Variants in SENP1 observed in about 807,000 individuals in gnomAD.
The protein encoded by SENP1 is SUMO specific peptidase 1.
In SENP1, 21 loss-of-function variants were observed where a neutral mutation model predicts 93.0. The observed-to-expected ratio is 0.23, with a 90% CI of 0.16 to 0.33. The LOEUF is 0.33. SENP1 is among the 10% of genes least tolerant of loss of function. The pLI is 1.00. For synonymous variants in SENP1, 256 were observed against 259.6 expected, an observed-to-expected ratio of 0.99 and a Z score of 0.13; for missense variants, 591 against 758.7, an observed-to-expected ratio of 0.78 and a Z score of 2.60.
chr12:48,047,861 G>C, intron 15 of SENP1, 140 bp downstream of exon 15: 3 of 610,822 alleles, frequency 4.9e-6, no homozygotes, highest in Non-Finnish European at 8.7e-6. Context: ...AACTTACTTA[G>C]ATACAAAATA....
At chr12:48,050,557 AGTGT>A (rs1941720677) in intron 13 of SENP1, among the ~76,000 whole-genome samples, 1 of 152,238 alleles carries the variant, frequency 6.6e-6, no homozygotes, top group Non-Finnish European at 1.5e-5. Context: ...TTCTCTGCCT[AGTGT>A]GATGCCCAAT....
At chr12:48,091,941 A>G (rs558441462) in intron 4 of SENP1, among the ~76,000 whole-genome samples, 57 of 152,332 alleles carry the variant, frequency 3.7e-4, no homozygotes, top group African/African-American at 1.3e-3. Context: ...TTGGCCTCCC[A>G]AAGTGCTAGG....
intron 3 of SENP1, 56 bp from the exon 4 acceptor site, chr12:48,096,483 C>T: frequency 9.1e-7 from 1 of 1,097,850 alleles, no homozygotes; most frequent in Non-Finnish European, 1.4e-6. Context: ...TTGAGACAGT[C>T]TCACTCTTGT....
intron 13 of SENP1, among the ~76,000 whole-genome samples, chr12:48,051,127 T>C (rs1180202494): frequency 1.3e-5 from 2 of 150,776 alleles, no homozygotes; most frequent in South Asian, 2.1e-4. Flanking sequence ...ATGCTATACA[T>C]CACTATTCTA....
intron 4 of SENP1, among the ~76,000 whole-genome samples, chr12:48,094,270 C>T (rs964409558): frequency 6.6e-6 from 1 of 152,106 alleles, no homozygotes; most frequent in African/African-American, 2.4e-5. Flanking sequence ...GTCCCAACTA[C>T]TCGGGAGACT....
intron 13 of SENP1, chr12:48,055,366 G>A (rs1592301824): frequency 6.5e-6 from 1 of 154,676 alleles, no homozygotes; most frequent in African/African-American, 2.4e-5. Flanking sequence ...ACTGAGGTCA[G>A]AACTGTGCAG....
intron 1 of SENP1, among the ~76,000 whole-genome samples, chr12:48,104,588 G>T (rs899187712): frequency 2.0e-5 from 3 of 152,190 alleles, no homozygotes; most frequent in African/African-American, 7.2e-5. Flanking sequence ...CACCGACTAC[G>T]TGCATTAAGA....
chr12:48,093,825 G>A (rs997464085), intron 4 of SENP1, among the ~76,000 whole-genome samples: 1 of 152,046 alleles, frequency 6.6e-6, no homozygotes, highest in South Asian at 2.1e-4. Context: ...AATTAGCTAG[G>A]CATGCTGGCA....
intron 5 of SENP1, chr12:48,088,485 T>G: frequency 3.2e-6 from 1 of 314,276 alleles, no homozygotes; most frequent in Admixed American, 4.9e-5. Context: ...TCTTTCCTGC[T>G]CAAATTGTGG....
rs1468655898 is a variant in SENP1 at position 48,088,875 on chromosome 12, G to A, written c.306C>T (p.Thr102=). Residue 102 remains threonine, a synonymous_variant, in exon 5 of 18, where the codon ACC becomes ACT. Transcript: ENST00000549518. ...QSANGQWRNS[T]PSSSSSLQKS... ...TTTGTAAAGATGAGCTTGACGATGGGGTAGAATTTCTCCATTGGCCATTTG... is the reference window on the plus strand; with the variant it reads ...TTTGTAAAGATGAGCTTGACGATGGAGTAGAATTTCTCCATTGGCCATTTG... 1 of 1,604,252 alleles carries A rather than the reference G, an allele frequency of 6.2e-7. No individual in the cohort carries two copies.
chr12:48,053,162 A>G (rs1278195404), intron 13 of SENP1, among the ~76,000 whole-genome samples: 1 of 152,132 alleles, frequency 6.6e-6, no homozygotes, highest in Non-Finnish European at 1.5e-5. Flanking sequence ...CCCATCAAAA[A>G]TATATATTCT....
intron 6 of SENP1, among the ~76,000 whole-genome samples, chr12:48,078,334 TACACAC>T (rs1555182749): frequency 5.9e-5 from 4 of 67,876 alleles, no homozygotes; most frequent in African/African-American, 9.7e-5. Flanking sequence ...TATATATATA[TACACAC>T]ACATATATAT....
chr12:48,104,137 G>A (rs573503804), intron 1 of SENP1, among the ~76,000 whole-genome samples: 88 of 151,768 alleles, frequency 5.8e-4, no homozygotes, highest in Non-Finnish European at 1.1e-3. Context: ...CTTGAACCCG[G>A]GAGGCGGAGG....
intron 8 of SENP1, among the ~76,000 whole-genome samples, chr12:48,072,291 A>T (rs1463990938): frequency 6.6e-6 from 1 of 152,186 alleles, no homozygotes; most frequent in East Asian, 1.9e-4. Context: ...CACCTCAGTC[A>T]TCCAATTGAC....
chr12:48,045,897 G>C (rs769234485), intron 17 of SENP1, among the ~76,000 whole-genome samples: 4 of 152,158 alleles, frequency 2.6e-5, no homozygotes, highest in Non-Finnish European at 5.9e-5. Context: ...AGACCACATG[G>C]ACAGAAATGA....
chr12:48,104,126 G>A (rs1258394574), intron 1 of SENP1, among the ~76,000 whole-genome samples: 3 of 151,878 alleles, frequency 2.0e-5, no homozygotes, highest in Admixed American at 6.6e-5. Flanking sequence ...CAGGAGAATC[G>A]CTTGAACCCG....
chr12:48,075,278 G>C (rs952494796), intron 6 of SENP1, among the ~76,000 whole-genome samples: 1 of 151,972 alleles, frequency 6.6e-6, no homozygotes, highest in Non-Finnish European at 1.5e-5. Flanking sequence ...GTAAAAGACA[G>C]GTTGAGTAAA....
chr12:48,096,213 T>C, intron 4 of SENP1, 130 bp downstream of exon 4: 1 of 566,614 alleles, frequency 1.8e-6, no homozygotes, highest in Non-Finnish European at 3.1e-6. Context: ...ATTCAAATGA[T>C]GTTTTAGTGA....
intron 6 of SENP1, among the ~76,000 whole-genome samples, chr12:48,082,274 C>T (rs1944544195): frequency 6.6e-6 from 1 of 152,194 alleles, no homozygotes; most frequent in Non-Finnish European, 1.5e-5. Context: ...TAAGAGATCA[C>T]TGATTACCAA....
Sources: gnomAD v4.1 joint callset for allele counts (sites outside exome capture counted in the v4.1 genomes callset) on GRCh38, gnomAD v4.1.1 for gene constraint, MANE v1.5 for transcripts, NCBI Gene and HGNC (gene_info 2026-07-23, HGNC 2026-07-21) for gene names.